The following PDS5A variants were observed in gnomAD, a reference collection of about 807,000 sequenced individuals.
PDS5A encodes the protein PDS5 cohesin associated factor A.
PDS5A carries 42 observed loss-of-function variants against 167.1 expected under a neutral mutation model. The observed-to-expected ratio is 0.25, with a 90% CI of 0.20 to 0.33. The LOEUF (loss-of-function observed/expected upper bound fraction) is 0.33, where lower values mean the gene tolerates loss of function less well. PDS5A is among the 10% of genes least tolerant of loss of function. The pLI, the probability that PDS5A is intolerant of heterozygous loss-of-function variation, is 1.00. For missense variants in PDS5A, 1,033 were observed against 1,605.9 expected (o/e 0.64, Z 6.10); for synonymous variants, 553 against 554.6 (o/e 1.00, Z 0.04).
intron 2 of PDS5A, among the ~76,000 whole-genome samples, chr4:39,954,670 T>TAAAAAAAAAAAAAA (rs777287409): frequency 1.9e-4 from 9 of 48,276 alleles, no homozygotes; most frequent in South Asian, 7.0e-4. Context: ...AAGAGATAAG[T>TAAAAAAAAAAAAAA]AAAAAAAAAA....
intron 26 of PDS5A, among the ~76,000 whole-genome samples, chr4:39,852,941 T>G (rs1446731969): frequency 6.6e-6 from 1 of 152,190 alleles, no homozygotes; most frequent in African/African-American, 2.4e-5. Context: ...CAGACATTCC[T>G]AGACTTTGTT....
chr4:39,925,818 G>T lies in PDS5A; in HGVS notation c.527+18C>A, dbSNP rs746980551. On this transcript the variant is annotated intron_variant, in intron 5 of 32. Coordinates refer to ENST00000303538, the MANE Select transcript of PDS5A (RefSeq NM_001100399.2). ...TCAAGAAAAAGAGACAAACAGAAAT[G>T]CTTAAAAAATAACTTACTTGATCAC... 12 of 989,288 alleles carry T rather than the reference G, an allele frequency of 1.2e-5. No homozygotes were observed. Among genetic ancestry groups the T allele is most frequent in the Non-Finnish European group, 1.8e-5 (12 of 668,150 alleles). The allele number at this position is 989,288 out of a possible 1,614,324, so 61.3% of individuals were successfully genotyped here.
chr4:39,841,915 G>GA (rs1327627432), intron 31 of PDS5A, 33 bp downstream of exon 31: 2 of 1,181,796 alleles, frequency 1.7e-6, no homozygotes, highest in African/African-American at 1.5e-5. Flanking sequence ...AATCTCCATG[G>GA]AAAAAATCCA....
At chr4:39,825,538 T>C (rs1428644160) in intron 32 of PDS5A, 50 bp from the exon 33 acceptor site, 3 of 1,373,888 alleles carry the variant, frequency 2.2e-6, no homozygotes, top group Admixed American at 2.4e-5. Flanking sequence ...GGAGAAGATA[T>C]AAACCAAACG....
intron 23 of PDS5A, among the ~76,000 whole-genome samples, chr4:39,864,067 T>C (rs763752733): frequency 1.3e-5 from 2 of 151,540 alleles, no homozygotes; most frequent in African/African-American, 2.4e-5. Flanking sequence ...GAGGTGGAGG[T>C]TGCAGTGAGC....
rs1396675093 is a variant in PDS5A at position 39,955,475 on chromosome 4, T to C, written c.138+20965A>G. 7.9e-5 allele frequency among the ~76,000 whole-genome samples: 12 copies of C among 151,650 alleles called. No individual in the cohort carries two copies. The South Asian group carries it at 1.7e-3, about 21-fold the overall frequency. Reference sequence around the variant, plus strand: ...AAAATTACCCAGGTGTCGTGGCGGATGCTTGTAATCCCAGCTTGGGAGGCT... The same window carrying C: ...AAAATTACCCAGGTGTCGTGGCGGACGCTTGTAATCCCAGCTTGGGAGGCT... On this transcript the variant is annotated intron_variant, in intron 2 of 32. Coordinates refer to ENST00000303538, the MANE Select transcript of PDS5A (RefSeq NM_001100399.2).
chr4:39,849,217 A>G (rs955637964), intron 27 of PDS5A, among the ~76,000 whole-genome samples: 2 of 152,286 alleles, frequency 1.3e-5, no homozygotes, highest in East Asian at 1.9e-4. Flanking sequence ...AACCCAAAGA[A>G]AGCACACAAA....
chr4:39,886,667 C>G (rs996842018), intron 17 of PDS5A, among the ~76,000 whole-genome samples: 1 of 151,488 alleles, frequency 6.6e-6, no homozygotes, highest in Non-Finnish European at 1.5e-5. Flanking sequence ...GAGCCAAGAT[C>G]GCGCCATTGC....
At chr4:39,907,519 C>T (rs1357247767) in intron 11 of PDS5A, among the ~76,000 whole-genome samples, 3 of 152,082 alleles carry the variant, frequency 2.0e-5, no homozygotes, top group Non-Finnish European at 4.4e-5. Flanking sequence ...TTCTTGTTTA[C>T]ACCTGACGCT....
intron 23 of PDS5A, among the ~76,000 whole-genome samples, chr4:39,866,407 G>A (rs1719458329): frequency 1.3e-5 from 2 of 152,146 alleles, no homozygotes; most frequent in South Asian, 2.1e-4. Context: ...ATAGGCCACC[G>A]CGCCTGGCTG....
Position 39,928,126 on chromosome 4 carries a change from T to G in PDS5A, c.177A>C (p.Ser59=). ...GGAGATACTGCTGTTTTTCATCTTC[T>G]GAGTCCTGATCCATATCCATAAAGG... The part of the protein sequence containing the change: ...VKTFMDMDQD[S]EDEKQQYLPL... Residue 59 remains serine, a synonymous_variant, in exon 3 of 33, where the codon TCA becomes TCC. Coordinates refer to ENST00000303538, the MANE Select transcript of PDS5A (RefSeq NM_001100399.2). 1 of 1,612,580 alleles carries G rather than the reference T, an allele frequency of 6.2e-7. No individual in the cohort carries two copies. Among genetic ancestry groups the G allele is most frequent in the Non-Finnish European group, 8.5e-7 (1 of 1,178,890 alleles).
At chr4:39,944,265 G>A (rs1253606273) in intron 2 of PDS5A, among the ~76,000 whole-genome samples, 5 of 151,162 alleles carry the variant, frequency 3.3e-5, no homozygotes, top group Admixed American at 1.3e-4. Context: ...ATTTATTTCC[G>A]CCTTCAAGAT....
chr4:39,935,335 TG>T (rs1172183243), intron 2 of PDS5A, among the ~76,000 whole-genome samples: 1 of 152,192 alleles, frequency 6.6e-6, no homozygotes, highest in African/African-American at 2.4e-5. Flanking sequence ...TGGCCTCAAG[TG>T]ATCTACCCGC....
intron 2 of PDS5A, among the ~76,000 whole-genome samples, chr4:39,950,895 T>A (rs1728289434): frequency 6.6e-6 from 1 of 151,406 alleles, no homozygotes; most frequent in South Asian, 2.1e-4. Context: ...CCACCCTGAA[T>A]TTTTTTTTGG....
chr4:39,873,680 C>T (rs1720238779), intron 20 of PDS5A, among the ~76,000 whole-genome samples: 1 of 152,146 alleles, frequency 6.6e-6, no homozygotes, highest in Admixed American at 6.6e-5. Flanking sequence ...TCAAAATTAT[C>T]TACTAATACT....
At chr4:39,870,149 C>T (rs997556110) in intron 21 of PDS5A, among the ~76,000 whole-genome samples, 4 of 151,710 alleles carry the variant, frequency 2.6e-5, no homozygotes, top group African/African-American at 9.7e-5. Context: ...TGGATATCCA[C>T]AAGAAGCAAA....
intron 11 of PDS5A, 23 bp downstream of exon 11, chr4:39,908,372 G>A (rs116626652): frequency 1.9e-6 from 3 of 1,591,350 alleles, no homozygotes; most frequent in African/African-American, 1.3e-5. Flanking sequence ...AATTACAGAA[G>A]AATAAAATGC....
Position 39,866,870 on chromosome 4 carries a change from T to C in PDS5A, c.2633A>G (p.Lys878Arg), listed in dbSNP as rs570310870. The change falls in exon 23 of 33, where the codon AAG (lysine) becomes AGG (arginine). Residue 878 changes from lysine to arginine, a missense_variant. This residue lies in a region of PDS5A where 367 missense variants were observed against 686.7 expected (regional missense o/e 0.53). Coordinates refer to ENST00000303538, the MANE Select transcript of PDS5A (RefSeq NM_001100399.2). Reference protein sequence around the residue: ...LVSEGDLTEQKRISKSDMSRL... With the variant: ...LVSEGDLTEQRRISKSDMSRL... The stretch of plus-strand genomic sequence containing the variant: ...GAAAGAAAAATCTCACCTGATCCTC[T>C]TTTGCTCTGTCAGGTCACCCTCACT... 8.7e-6 allele frequency: 14 copies of C among 1,610,432 alleles called. No individual in the cohort carries two copies. The highest frequency in any genetic ancestry group is 1.1e-5 in the South Asian group (1 of 90,374).
At chr4:39,929,214 T>G (rs953718504) in intron 2 of PDS5A, among the ~76,000 whole-genome samples, 27 of 152,170 alleles carry the variant, frequency 1.8e-4, no homozygotes, top group African/African-American at 6.5e-4. Flanking sequence ...GTACTAATCC[T>G]GGGTGTGCCT....
Sources: gnomAD v4.1 joint callset for allele counts (sites outside exome capture counted in the v4.1 genomes callset) on GRCh38, gnomAD v4.1.1 for gene constraint, gnomAD v4.1.1 regional missense constraint, MANE v1.5 for transcripts, NCBI Gene and HGNC (gene_info 2026-07-23, HGNC 2026-07-21) for gene names.